Variants in FTCDNL1 observed in about 807,000 individuals in gnomAD.
The protein encoded by FTCDNL1 is formiminotransferase N-terminal subdomain-containing protein.
Under a neutral mutation model 5.9 loss-of-function variants are expected in FTCDNL1, and 11 were observed. That is an observed-to-expected ratio of 1.87 (90% confidence interval 1.18 to 3.10). FTCDNL1 has a LOEUF of 3.10. FTCDNL1 is among the 30% of genes most tolerant of loss of function. The pLI, the probability that FTCDNL1 is intolerant of heterozygous loss-of-function variation, is 0.00. For synonymous variants in FTCDNL1, 58 were observed against 24.8 expected (o/e 2.34, Z -3.99); for missense variants, 115 against 65.5 (o/e 1.76, Z -2.61).
the FTCDNL1 span, among the ~76,000 whole-genome samples, chr2:199,748,944 C>T: frequency 1.3e-5 from 2 of 152,176 alleles, no homozygotes; most frequent in African/African-American, 2.4e-5. Flanking sequence ...AACCCTCTGG[C>T]CCACAAGGTG....
the FTCDNL1 span, among the ~76,000 whole-genome samples, chr2:199,705,707 T>C: frequency 6.6e-6 from 1 of 152,198 alleles, no homozygotes; most frequent in Non-Finnish European, 1.5e-5. Flanking sequence ...GTAGATTGTG[T>C]GTAGATGCAC....
At chr2:199,752,025 G>A in the FTCDNL1 span, among the ~76,000 whole-genome samples, 1 of 152,094 alleles carries the variant, frequency 6.6e-6, no homozygotes, top group African/African-American at 2.4e-5. Context: ...AAGGGAGGGG[G>A]CAGACTGACT....
chr2:199,844,517 G>A, intron 3 of FTCDNL1: 2 of 630,874 alleles, frequency 3.2e-6, no homozygotes, highest in Non-Finnish European at 5.9e-6. Context: ...TAGGCAGGCA[G>A]CCAGAACAGA....
chr2:199,765,051 C>T (rs1178160057), intron 3 of FTCDNL1, among the ~76,000 whole-genome samples: 1 of 152,084 alleles, frequency 6.6e-6, no homozygotes, highest in African/African-American at 2.4e-5. Context: ...TCAAGATCAG[C>T]AAGGGGGAAT....
At chr2:199,760,281 A>C (rs1393932891), downstream of FTCDNL1, among the ~76,000 whole-genome samples, 1 of 151,730 alleles carries the variant, frequency 6.6e-6, no homozygotes, top group African/African-American at 2.4e-5. Context: ...CAGCCAACCC[A>C]ACTTTCCCAT....
At chr2:199,721,174 A>G in the FTCDNL1 span, among the ~76,000 whole-genome samples, 1 of 152,192 alleles carries the variant, frequency 6.6e-6, no homozygotes, top group South Asian at 2.1e-4. Context: ...TCTCTGTTAC[A>G]CAGGTAAACA....
At chr2:199,709,088 A>C in the FTCDNL1 span, among the ~76,000 whole-genome samples, 1 of 151,972 alleles carries the variant, frequency 6.6e-6, no homozygotes, top group South Asian at 2.1e-4. Context: ...CCGATACTAT[A>C]CTCCCTGTTT....
the FTCDNL1 span, among the ~76,000 whole-genome samples, chr2:199,695,924 C>T: frequency 2.0e-5 from 3 of 152,260 alleles, no homozygotes; most frequent in South Asian, 4.1e-4. Context: ...CCCATGGGAC[C>T]GAGGCAGTCT....
chr2:199,817,488 CAG>C (rs1380151819), intron 4 of FTCDNL1, among the ~76,000 whole-genome samples: 2 of 151,998 alleles, frequency 1.3e-5, no homozygotes, highest in South Asian at 2.1e-4. Flanking sequence ...TGAGTAAAAA[CAG>C]AGAATAAAAT....
At chr2:199,780,498 G>GA (rs1329657866) in intron 3 of FTCDNL1, among the ~76,000 whole-genome samples, 2 of 151,842 alleles carry the variant, frequency 1.3e-5, no homozygotes, top group African/African-American at 2.4e-5. Context: ...GTCTCTTCCT[G>GA]AAAAAAAATT....
At chr2:199,820,039 C>T (rs2106507710) in intron 3 of FTCDNL1, among the ~76,000 whole-genome samples, 1 of 152,292 alleles carries the variant, frequency 6.6e-6, no homozygotes, top group African/African-American at 2.4e-5. Flanking sequence ...TACAAGCAGG[C>T]TTGAATTTCT....
the FTCDNL1 span, among the ~76,000 whole-genome samples, chr2:199,701,685 C>A: frequency 6.6e-6 from 1 of 152,176 alleles, no homozygotes; most frequent in Non-Finnish European, 1.5e-5. Context: ...AAGTCATTAT[C>A]CTAAGTGAAT....
At chr2:199,731,804 C>T in the FTCDNL1 span, among the ~76,000 whole-genome samples, 7 of 151,012 alleles carry the variant, frequency 4.6e-5, no homozygotes, top group East Asian at 9.8e-4. Context: ...AGGAGAATGG[C>T]GAGAACCCGG....
chr2:199,726,732 G>A, the FTCDNL1 span, among the ~76,000 whole-genome samples: 2 of 152,184 alleles, frequency 1.3e-5, no homozygotes, highest in Non-Finnish European at 2.9e-5. Flanking sequence ...TGCACCTGGA[G>A]GTATCACCAA....
chr2:199,841,124 C>A (rs1273832531), intron 3 of FTCDNL1, among the ~76,000 whole-genome samples: 1 of 151,900 alleles, frequency 6.6e-6, no homozygotes, highest in Non-Finnish European at 1.5e-5. Context: ...GCACTCCAGC[C>A]TGGCCAACCC....
chr2:199,751,973 C>T, the FTCDNL1 span, among the ~76,000 whole-genome samples: 1 of 151,982 alleles, frequency 6.6e-6, no homozygotes, highest in East Asian at 1.9e-4. Context: ...TCCAAATAAA[C>T]CTAGTGGCAG....
intron 3 of FTCDNL1, among the ~76,000 whole-genome samples, chr2:199,766,862 C>T (rs1430439817): frequency 6.6e-6 from 1 of 152,042 alleles, no homozygotes; most frequent in Non-Finnish European, 1.5e-5. Flanking sequence ...CTGACTTCCT[C>T]TTGGTGTCTA....
the FTCDNL1 span, among the ~76,000 whole-genome samples, chr2:199,704,740 C>T: frequency 6.6e-6 from 1 of 152,046 alleles, no homozygotes; most frequent in Admixed American, 6.6e-5. Flanking sequence ...GTGCCCCCAC[C>T]CCTCACACAC....
the FTCDNL1 span, among the ~76,000 whole-genome samples, chr2:199,717,986 CAAA>C: frequency 3.5e-5 from 5 of 142,560 alleles, no homozygotes; most frequent in African/African-American, 7.8e-5. Flanking sequence ...ACCAAAAAAA[CAAA>C]AAAAAAAAAA....
Sources: gnomAD v4.1 joint callset for allele counts (sites outside exome capture counted in the v4.1 genomes callset) on GRCh38, gnomAD v4.1.1 for gene constraint, MANE v1.5 for transcripts, NCBI Gene and HGNC (gene_info 2026-07-23, HGNC 2026-07-21) for gene names.